Variants in MICAL3 observed in about 807,000 individuals in gnomAD.
MICAL3 encodes [F-actin]-monooxygenase MICAL3.
Under a neutral mutation model 207.4 loss-of-function variants are expected in MICAL3, and 62 were observed. That is an observed-to-expected ratio of 0.30 (90% confidence interval 0.24 to 0.37). MICAL3 has a LOEUF of 0.37. Ranked by LOEUF, MICAL3 falls within the 10% of genes least tolerant of loss-of-function variation. MICAL3 has a pLI of 1.00. For missense variants in MICAL3, 2,368 were observed against 2,635.6 expected (o/e 0.90, Z 2.22); for synonymous variants, 1,077 against 1,069.3 (o/e 1.01, Z -0.14).
At chr22:17,824,402 C>T (rs1052896643) in intron 22 of MICAL3, among the ~76,000 whole-genome samples, 2 of 152,242 alleles carry the variant, frequency 1.3e-5, no homozygotes, top group East Asian at 1.9e-4. Flanking sequence ...AATGGGAGGG[C>T]GCAGCCTCGG....
chr22:17,844,796 C>A (rs972530618), intron 19 of MICAL3, among the ~76,000 whole-genome samples: 1 of 152,174 alleles, frequency 6.6e-6, no homozygotes, highest in Non-Finnish European at 1.5e-5. Context: ...TGGGCTAGGG[C>A]ATCTTGAAGA....
In MICAL3 at chr22:17,896,768, C is replaced by T. The variant is rs1434334235; in HGVS notation, c.1162G>A (p.Gly388Arg). 6 of 1,613,776 alleles carry T rather than the reference C, an allele frequency of 3.7e-6. No individual in the cohort carries two copies. The highest frequency in any genetic ancestry group is 4.5e-5 in the East Asian group (2 of 44,894). Residue 388 changes from glycine (G) to arginine (R), a missense_variant, in exon 8 of 32, where the codon GGA becomes AGA. Transcript: ENST00000441493. ...ACCAGAGCCACTAGTAACTGGTGTCCGTTCTGCTCCCGCACCAAGGCGGCG... is the reference window on the plus strand; with the variant it reads ...ACCAGAGCCACTAGTAACTGGTGTCTGTTCTGCTCCCGCACCAAGGCGGCG... Reference protein sequence around the residue: ...ENAALVREQNGHQLLVALVGD... With the variant: ...ENAALVREQNRHQLLVALVGD...
intron 1 of MICAL3, among the ~76,000 whole-genome samples, chr22:17,990,596 C>T (rs1462064953): frequency 2.0e-5 from 3 of 152,230 alleles, no homozygotes; most frequent in South Asian, 2.1e-4. Flanking sequence ...CTCTAGTAAC[C>T]GGTATAGTAC....
rs369881715 is a variant in MICAL3 at position 17,887,200 on chromosome 22, C to T, written c.2037G>A (p.Gly679=). 4.3e-6 allele frequency: 7 copies of T among 1,613,606 alleles called. No individual in the cohort carries two copies. The African/African-American group carries it at 9.3e-5, about 22-fold the overall frequency. Residue 679 remains glycine, a synonymous_variant, in exon 15 of 32, where the codon GGG becomes GGA. Coordinates refer to ENST00000441493, the MANE Select transcript of MICAL3 (RefSeq NM_015241.3). The part of the protein sequence containing the change: ...DKKEKDLDGA[G]KRRKTSQSEE... Reference sequence around the variant, plus strand: ...CTGATTGACTGGTCTTTCTCCTCTTCCCAGCACCATCCAAGTCCTTTTCCT... The same window carrying T: ...CTGATTGACTGGTCTTTCTCCTCTTTCCAGCACCATCCAAGTCCTTTTCCT...
rs150012176 is a variant in MICAL3 at position 17,791,483 on chromosome 22, C to T, written c.5651-182G>A. 4.0e-3 allele frequency: 2,461 copies of T among 613,722 alleles called. 10 individuals are homozygous for T. Among genetic ancestry groups the T allele is most frequent in the Non-Finnish European group, 4.9e-3 (1,703 of 344,162 alleles). 38.0% of individuals were successfully genotyped at this position (613,722 alleles called of 1,614,324 possible). A position where few individuals can be genotyped will look rare whatever the true frequency, so the allele number is the denominator to read the frequency against. On this transcript the variant is annotated intron_variant, in intron 29 of 31. Transcript: ENST00000441493. ...CTGGCGTCCCCCTTCCTGGGGCCTG[C>T]GCTTTCCCGTGTCCTGCCATCCCTG...
intron 1 of MICAL3, among the ~76,000 whole-genome samples, chr22:18,017,284 G>C (rs1443795254): frequency 1.3e-5 from 2 of 152,048 alleles, no homozygotes; most frequent in Non-Finnish European, 2.9e-5. Context: ...CGCAATCTCG[G>C]CTCACTGCAA....
At chr22:18,003,396 C>A (rs1923171737) in intron 1 of MICAL3, among the ~76,000 whole-genome samples, 1 of 152,138 alleles carries the variant, frequency 6.6e-6, no homozygotes, top group South Asian at 2.1e-4. Context: ...TTCTCATAAT[C>A]AGACAAAACT....
At chr22:17,828,333 GC>G (rs1359928134) in intron 21 of MICAL3, among the ~76,000 whole-genome samples, 1 of 152,246 alleles carries the variant, frequency 6.6e-6, no homozygotes, top group Non-Finnish European at 1.5e-5. Context: ...CAGCCGGCCA[GC>G]TCACACAGGA....
chr22:17,906,826 C>T lies in MICAL3; in HGVS notation c.-14G>A, dbSNP rs2146268361. 1.3e-6 allele frequency: 2 copies of T among 1,578,924 alleles called. No individual in the cohort carries two copies. The highest frequency in any genetic ancestry group is 8.6e-7 in the Non-Finnish European group (1 of 1,160,258). Reference sequence around the variant, plus strand: ...CCTCTCCTCCATGCTGCCTCACTCTCAGCACTCCCCAGAGGGGGAGGTGGG... The same window carrying T: ...CCTCTCCTCCATGCTGCCTCACTCTTAGCACTCCCCAGAGGGGGAGGTGGG... On this transcript the variant is annotated 5_prime_UTR_variant, in exon 2 of 32. Transcript: ENST00000441493.
chr22:17,820,422 T>C (rs1390193501), intron 25 of MICAL3, among the ~76,000 whole-genome samples: 2 of 152,226 alleles, frequency 1.3e-5, no homozygotes, highest in African/African-American at 4.8e-5. Flanking sequence ...TGGTGCCATC[T>C]CGGCTCACTG....
At chr22:17,982,732 AAAAATAAAAT>A (rs10684317) in intron 1 of MICAL3, among the ~76,000 whole-genome samples, 2 of 149,162 alleles carry the variant, frequency 1.3e-5, no homozygotes, top group African/African-American at 2.5e-5. Flanking sequence ...AACATAACAT[AAAAATAAAAT>A]AAAATAAAAT....
intron 16 of MICAL3, among the ~76,000 whole-genome samples, chr22:17,882,763 T>C (rs987959966): frequency 1.3e-5 from 2 of 152,202 alleles, no homozygotes; most frequent in African/African-American, 4.8e-5. Flanking sequence ...TCAAGTCTCA[T>C]TTATACATCT....
intron 29 of MICAL3, among the ~76,000 whole-genome samples, chr22:17,794,640 A>G (rs2061857071): frequency 6.6e-6 from 1 of 152,152 alleles, no homozygotes; most frequent in Non-Finnish European, 1.5e-5. Context: ...TGGCCCTTCT[A>G]TGGCTGTGCA....
intron 1 of MICAL3, among the ~76,000 whole-genome samples, chr22:17,934,578 A>G (rs960910562): frequency 6.6e-6 from 1 of 152,222 alleles, no homozygotes; most frequent in Non-Finnish European, 1.5e-5. Context: ...CACCACTCCT[A>G]TTCAACACAG....
rs368040403 is a variant in MICAL3, at chr22:17,841,813, C to T, written c.2801+9G>A. 228 of 1,543,132 alleles carry T rather than the reference C, an allele frequency of 1.5e-4. 1 individual carries two copies. In the African/African-American group the frequency reaches 1.8e-3, roughly 12 times the overall value. On this transcript the variant is annotated intron_variant, in intron 20 of 31. Coordinates refer to ENST00000441493, the MANE Select transcript of MICAL3 (RefSeq NM_015241.3). The surrounding 1 kb of genome is among the most constrained non-coding windows in gnomAD (Gnocchi z 4.2). ...GGCGGGTGGGCGCCCTGCAGCCCTG[C>T]GTGCTGACCTGCTGGCGACGTCCTC...
At chr22:18,016,812 C>T (rs1426591970) in intron 1 of MICAL3, among the ~76,000 whole-genome samples, 7 of 151,794 alleles carry the variant, frequency 4.6e-5, no homozygotes, top group Admixed American at 1.3e-4. Context: ...TGGTGGTGGG[C>T]GCCTGTAGAC....
chr22:17,876,367 C>G (rs1263700712), intron 16 of MICAL3: 3 of 152,388 alleles, frequency 2.0e-5, no homozygotes, highest in African/African-American at 7.2e-5. Flanking sequence ...AGAAAGCCCT[C>G]TGCTCCTCCA....
At chr22:18,006,495 C>A (rs1318220608) in intron 1 of MICAL3, 1 of 152,044 alleles carries the variant, frequency 6.6e-6, no homozygotes, top group Non-Finnish European at 1.5e-5. Flanking sequence ...CGCAATGGAG[C>A]CGGTAGAAGA....
chr22:17,813,483 C>G (rs2062070524), intron 27 of MICAL3: 1 of 152,242 alleles, frequency 6.6e-6, no homozygotes, highest in Non-Finnish European at 1.5e-5. Flanking sequence ...ACTTTGAGCA[C>G]TTGTGTCCCG....
Sources: allele counts gnomAD v4.1 joint callset (sites outside exome capture counted in the v4.1 genomes callset), GRCh38; gene constraint gnomAD v4.1.1; non-coding constraint Gnocchi (gnomAD v3.1); transcripts MANE v1.5; gene names NCBI Gene and HGNC (gene_info 2026-07-23, HGNC 2026-07-21).